Variants in PDE8B observed in about 807,000 individuals in gnomAD.
PDE8B encodes the protein high affinity cAMP-specific and IBMX-insensitive 3',5'-cyclic phosphodiesterase 8B.
Under a neutral mutation model 101.3 loss-of-function variants are expected in PDE8B, and 26 were observed. The ratio of observed to expected loss-of-function variants is 0.26; its 90% confidence interval spans 0.19 to 0.36. The LOEUF is 0.36. Among genes scored for constraint, PDE8B ranks in the 10% least tolerant of loss-of-function variants. PDE8B has a pLI of 1.00. For missense variants in PDE8B, 810 were observed against 1,163.1 expected (o/e 0.70, Z 4.42); for synonymous variants, 424 against 429.3 (o/e 0.99, Z 0.15).
intron 1 of PDE8B, among the ~76,000 whole-genome samples, chr5:77,297,696 C>G (rs943939676): frequency 2.6e-5 from 4 of 152,206 alleles, no homozygotes; most frequent in African/African-American, 7.2e-5. Flanking sequence ...ACCACAGCAG[C>G]CTTCTGTGAC....
intron 1 of PDE8B, among the ~76,000 whole-genome samples, chr5:77,284,778 A>C (rs1390419363): frequency 6.6e-6 from 1 of 152,206 alleles, no homozygotes; most frequent in Non-Finnish European, 1.5e-5. Flanking sequence ...TACATTTCAG[A>C]AATAATCCAT....
the PDE8B span, chr5:77,180,517 C>T: frequency 5.1e-6 from 5 of 982,846 alleles, no homozygotes; most frequent in African/African-American, 5.2e-5. Flanking sequence ...ACCGCGCAGC[C>T]CTCGGCCGCC....
the PDE8B span, among the ~76,000 whole-genome samples, chr5:77,136,812 C>T: frequency 1.3e-5 from 2 of 152,182 alleles, no homozygotes; most frequent in African/African-American, 2.4e-5. Flanking sequence ...TGGATTCTAA[C>T]CCCCATCATA....
intron 6 of PDE8B, among the ~76,000 whole-genome samples, chr5:77,338,223 C>G (rs1778549209): frequency 6.6e-6 from 1 of 152,144 alleles, no homozygotes; most frequent in South Asian, 2.1e-4. Flanking sequence ...AATTATATGC[C>G]TTATCTTGAT....
chr5:77,414,200 T>G (rs981737561), intron 17 of PDE8B, among the ~76,000 whole-genome samples: 7 of 152,162 alleles, frequency 4.6e-5, no homozygotes, highest in African/African-American at 1.7e-4. Flanking sequence ...TAAGGGGGTA[T>G]GTGGGTAAGG....
the PDE8B span, among the ~76,000 whole-genome samples, chr5:77,195,720 A>G: frequency 2.4e-4 from 37 of 152,334 alleles, no homozygotes; most frequent in Middle Eastern, 3.4e-3. Context: ...ATTATATACT[A>G]TAGTCTTATG....
intron 10 of PDE8B, among the ~76,000 whole-genome samples, chr5:77,360,078 G>T (rs374150362): frequency 6.7e-6 from 1 of 148,370 alleles, no homozygotes; most frequent in East Asian, 2.0e-4. Flanking sequence ...GTGACACAGC[G>T]AGACTTCATC....
intron 2 of PDE8B, among the ~76,000 whole-genome samples, chr5:77,317,375 A>G (rs1224767389): frequency 2.0e-5 from 3 of 152,238 alleles, no homozygotes; most frequent in Non-Finnish European, 4.4e-5. Context: ...CTTGATAAGA[A>G]TATTTCAGGA....
intron 10 of PDE8B, among the ~76,000 whole-genome samples, chr5:77,395,887 C>G (rs905000923): frequency 2.0e-5 from 3 of 152,190 alleles, no homozygotes; most frequent in Admixed American, 2.0e-4. Flanking sequence ...GGGTGCTCCA[C>G]GTAGCATTGG....
At chr5:77,351,011 G>A (rs1561567194) in intron 8 of PDE8B, 54 bp from the exon 9 acceptor site, 2 of 1,274,072 alleles carry the variant, frequency 1.6e-6, no homozygotes, top group Non-Finnish European at 2.3e-6. Context: ...CCCTCTGCAG[G>A]AGCAGCTGTC....
chr5:77,390,664 G>A (rs1484179471), intron 10 of PDE8B, among the ~76,000 whole-genome samples: 7 of 152,136 alleles, frequency 4.6e-5, no homozygotes, highest in African/African-American at 1.7e-4. Context: ...ATACTCACAC[G>A]TCCCCCCAAA....
At chr5:77,423,043 A>G (rs1388843650) in intron 20 of PDE8B, among the ~76,000 whole-genome samples, 3 of 152,150 alleles carry the variant, frequency 2.0e-5, no homozygotes, top group African/African-American at 4.8e-5. Context: ...TCCAGTGTCT[A>G]CTGTTCCAGT....
upstream of PDE8B, among the ~76,000 whole-genome samples, chr5:77,208,944 T>A (rs1415735161): frequency 6.6e-6 from 1 of 152,166 alleles, no homozygotes; most frequent in South Asian, 2.1e-4. Context: ...TGAGGCTTGG[T>A]CAATTTCTCC....
intron 1 of PDE8B, among the ~76,000 whole-genome samples, chr5:77,227,299 G>GT (rs1403753060): frequency 6.6e-6 from 1 of 152,034 alleles, no homozygotes; most frequent in East Asian, 1.9e-4. Context: ...AACTGACCTT[G>GT]TTTTTTTCCT....
intron 6 of PDE8B, among the ~76,000 whole-genome samples, chr5:77,340,499 A>G (rs1028157253): frequency 6.6e-6 from 1 of 151,358 alleles, no homozygotes; most frequent in African/African-American, 2.4e-5. Flanking sequence ...CCTGCTCCCA[A>G]CTCATCCCAG....
chr5:77,279,234 T>C (rs1764466904), intron 1 of PDE8B, among the ~76,000 whole-genome samples: 1 of 152,250 alleles, frequency 6.6e-6, no homozygotes, highest in Non-Finnish European at 1.5e-5. Flanking sequence ...TGATTTGTAT[T>C]GTAAACAGGA....
At chr5:77,419,620 A>G in intron 18 of PDE8B, 147 bp from the exon 19 acceptor site, 1 of 862,358 alleles carries the variant, frequency 1.2e-6, no homozygotes, top group South Asian at 1.4e-5. Context: ...TACTGGGAGG[A>G]CGAGCTCTTC....
the PDE8B span, chr5:77,142,354 A>C: frequency 6.6e-6 from 1 of 152,244 alleles, no homozygotes; most frequent in African/African-American, 2.4e-5. Context: ...TATTTAAAGT[A>C]CACAATGTGA....
intron 9 of PDE8B, among the ~76,000 whole-genome samples, chr5:77,351,961 G>A (rs1781210605): frequency 6.6e-6 from 1 of 152,214 alleles, no homozygotes. Flanking sequence ...AATAGAAAAC[G>A]AGATGTTTCA....
Sources: allele counts gnomAD v4.1 joint callset (sites outside exome capture counted in the v4.1 genomes callset), GRCh38; gene constraint gnomAD v4.1.1; transcripts MANE v1.5; gene names NCBI Gene and HGNC (gene_info 2026-07-23, HGNC 2026-07-21).